The following SERINC2 variants were observed in gnomAD, a reference collection of about 807,000 sequenced individuals.
The protein encoded by SERINC2 is tumor differentially expressed protein 2.
A neutral mutation model predicts 54.2 loss-of-function variants in SERINC2; 56 were observed. The observed-to-expected ratio is 1.03, with a 90% CI of 0.83 to 1.29. The LOEUF is 1.29. Ranked by LOEUF, SERINC2 falls within the 50% of genes most tolerant of loss-of-function variation. The pLI is 0.00. For synonymous variants in SERINC2, 272 were observed against 253.1 expected, an observed-to-expected ratio of 1.07 and a Z score of -0.71; for missense variants, 614 against 607.4, an observed-to-expected ratio of 1.01 and a Z score of -0.12.
intron 1 of SERINC2, among the ~76,000 whole-genome samples, chr1:31,419,156 A>G (rs187944111): frequency 6.6e-6 from 1 of 152,312 alleles, no homozygotes; most frequent in African/African-American, 2.4e-5. Context: ...GTGTGGGAAC[A>G]GCTTTCCAGT....
intron 8 of SERINC2, among the ~76,000 whole-genome samples, chr1:31,431,860 AGGGT>A (rs1641236240): frequency 1.3e-5 from 2 of 149,518 alleles, no homozygotes; most frequent in African/African-American, 2.5e-5. Context: ...TAGGGTGGAT[AGGGT>A]GGATAGGGTG....
At chr1:31,431,549 C>A (rs1238829521) in intron 8 of SERINC2, among the ~76,000 whole-genome samples, 2 of 152,248 alleles carry the variant, frequency 1.3e-5, no homozygotes, top group African/African-American at 4.8e-5. Context: ...CTTCCCCTCC[C>A]CGACCTGGCA....
At chr1:31,410,292 C>A, upstream of SERINC2, 1 of 1,521,326 alleles carries the variant, frequency 6.6e-7, no homozygotes, top group South Asian at 1.3e-5. Context: ...GCCAGGACAC[C>A]AAGAAATGAA....
At chr1:31,410,303 G>C, upstream of SERINC2, 2 of 1,529,340 alleles carry the variant, frequency 1.3e-6, no homozygotes, top group Non-Finnish European at 1.8e-6. Flanking sequence ...AAGAAATGAA[G>C]CTCTTTATCC....
chr1:31,414,623 G>A (rs1320375075), intron 1 of SERINC2: 12 of 985,652 alleles, frequency 1.2e-5, no homozygotes, highest in Admixed American at 1.2e-4. Flanking sequence ...GCGTGTGCAT[G>A]TGCGTGTGCA....
intron 1 of SERINC2, among the ~76,000 whole-genome samples, chr1:31,422,789 T>G (rs557458649): frequency 6.6e-6 from 1 of 151,976 alleles, no homozygotes; most frequent in African/African-American, 2.4e-5. Context: ...CCCAGGAGGG[T>G]GAGTCTCCTT....
At chr1:31,431,883 G>A (rs1641240005) in intron 8 of SERINC2, among the ~76,000 whole-genome samples, 1 of 148,898 alleles carries the variant, frequency 6.7e-6, no homozygotes, top group Admixed American at 6.7e-5. Context: ...TGGACAGGGT[G>A]GACAGGGTGG....
rs149012313 is a variant in SERINC2 at position 31,414,454 on chromosome 1, TGAGA to T, written c.39+1168_39+1171del. ...GTGTGTGTGTGTGTGTGTGTGTGTG[TGAGA>T]GAGAGAGAGAGAGAGAGGAGGGGGT... is the stretch of plus-strand genomic sequence containing the variant. On this transcript the variant is annotated intron_variant, in intron 1 of 9. Transcript: ENST00000373709. The T allele has an allele frequency of 4.7e-4, 342 of 732,706 alleles. 2 individuals are homozygous for T. Among genetic ancestry groups the T allele is most frequent in the South Asian group, 1.3e-3 (19 of 14,086 alleles). The allele number at this position is 732,706 out of a possible 1,614,324, so 45.4% of individuals were successfully genotyped here. A position where few individuals can be genotyped will look rare whatever the true frequency, so the allele number is the denominator to read the frequency against.
At position 31,425,379 on chromosome 1, in the gene SERINC2, T is replaced by G; in HGVS notation, c.442T>G (p.Phe148Val). The G allele has an allele frequency of 6.2e-7, 1 of 1,613,036 alleles. No individual in the cohort carries two copies. Among genetic ancestry groups the G allele is most frequent in the Non-Finnish European group, 8.5e-7 (1 of 1,178,990 alleles). The change falls in exon 4 of 10, where the codon TTC becomes GTC. Residue 148 changes from phenylalanine (F) to valine (V), a missense_variant. Phe to Val is a conservative substitution (Grantham distance 50). Transcript: ENST00000373709. ...LILVGLTVGA[F>V]YIPDGSFTNI... ...CCTGGTGGGCCTCACCGTGGGTGCCTTCTACATTCCTGACGGCTCCTTCAC... is the reference window on the plus strand; with the variant it reads ...CCTGGTGGGCCTCACCGTGGGTGCCGTCTACATTCCTGACGGCTCCTTCAC...
chr1:31,414,065 G>T, intron 1 of SERINC2: 1 of 1,497,328 alleles, frequency 6.7e-7, no homozygotes, highest in Non-Finnish European at 8.9e-7. Flanking sequence ...AGTGAGGCGG[G>T]TGCGGGTCGT....
chr1:31,425,962 G>A lies in SERINC2; in HGVS notation c.610+49G>A, dbSNP rs201640302. On this transcript the variant is annotated intron_variant, in intron 5 of 9. Coordinates refer to ENST00000373709, the MANE Select transcript of SERINC2 (RefSeq NM_178865.5). Reference sequence around the variant, plus strand: ...GTGTGGGGACTCGAGCCTGGGCAGGGCTGGGGCTGCCTGAGAAATCGAGGG... The same window carrying A: ...GTGTGGGGACTCGAGCCTGGGCAGGACTGGGGCTGCCTGAGAAATCGAGGG... 4.3e-4 allele frequency: 683 copies of A among 1,575,006 alleles called. 7 individuals carry two copies. Among genetic ancestry groups the A allele is most frequent in the South Asian group, 4.1e-3 (362 of 88,690 alleles).
At chr1:31,417,923 C>T (rs977530475) in intron 1 of SERINC2, among the ~76,000 whole-genome samples, 4 of 129,702 alleles carry the variant, frequency 3.1e-5, no homozygotes, top group African/African-American at 1.1e-4. Context: ...ATGGCACAAT[C>T]TCGGCTCATT....
At chr1:31,422,578 G>A (rs1553132874) in intron 1 of SERINC2, among the ~76,000 whole-genome samples, 2 of 152,126 alleles carry the variant, frequency 1.3e-5, no homozygotes. Context: ...CCTTCTTAGC[G>A]CTTGTCACGA....
chr1:31,410,258 C>A (rs1020350206), upstream of SERINC2: 22 of 1,481,544 alleles, frequency 1.5e-5, no homozygotes, highest in African/African-American at 2.8e-5. Flanking sequence ...AGGTTCAAAT[C>A]TGGGAGTAAA....
Position 31,434,578 on chromosome 1 carries a change from T to G in SERINC2, c.*379T>G. 1 of 241,082 alleles carries G rather than the reference T, an allele frequency of 4.1e-6. No individual in the cohort carries two copies. 14.9% of individuals were successfully genotyped at this position (241,082 alleles called of 1,614,324 possible). ...GGCATCCGGCACTGAAGCCCTGGTGTTCCTGGTCACGTCCCCCAGGGGACC... is the reference window on the plus strand; with the variant it reads ...GGCATCCGGCACTGAAGCCCTGGTGGTCCTGGTCACGTCCCCCAGGGGACC... On this transcript the variant is annotated 3_prime_UTR_variant, in exon 10 of 10. Transcript: ENST00000373709.
intron 8 of SERINC2, among the ~76,000 whole-genome samples, chr1:31,432,083 T>TGGACAGGGTGGA (rs1557501056): frequency 2.1e-4 from 4 of 19,392 alleles, no homozygotes; most frequent in Non-Finnish European, 2.9e-4. Flanking sequence ...GACAGGGTGG[T>TGGACAGGGTGGA]TAGGGTGGAC....
At position 31,424,885 on chromosome 1, in the gene SERINC2, G is replaced by T. The variant is rs893698512; in HGVS notation, c.392+12G>T. ...GCCATCCAGAATGGGTGAGAGAGGG[G>T]TCCCTGCCTGCACCCTGGGACCTTC... On this transcript the variant is annotated intron_variant, in intron 3 of 9. Coordinates refer to ENST00000373709, the MANE Select transcript of SERINC2 (RefSeq NM_178865.5). 2.0e-5 allele frequency: 32 copies of T among 1,603,926 alleles called. No homozygotes were observed. Among genetic ancestry groups the T allele is most frequent in the Non-Finnish European group, 2.6e-5 (30 of 1,175,766 alleles).
chr1:31,416,559 G>T (rs1640786047), intron 1 of SERINC2, among the ~76,000 whole-genome samples: 1 of 152,222 alleles, frequency 6.6e-6, no homozygotes, highest in African/African-American at 2.4e-5. Flanking sequence ...CCCTGGGGCG[G>T]CTCAGCCAGT....
rs782004294 is a variant in SERINC2, at chr1:31,423,888, G to A, written c.201+34G>A. On this transcript the variant is annotated intron_variant, in intron 2 of 9. Transcript: ENST00000373709. ...CCCAGGGGAGGCAGGGCGGCCTCCA[G>A]CGAGGGGCGTCAGTGGCTCCAGGAT... is the stretch of plus-strand genomic sequence containing the variant. The A allele has an allele frequency of 1.6e-5, 26 of 1,602,390 alleles. No individual in the cohort carries two copies. The South Asian group carries it at 2.5e-4, about 16-fold the overall frequency.
Sources: allele counts gnomAD v4.1 joint callset (sites outside exome capture counted in the v4.1 genomes callset), GRCh38; gene constraint gnomAD v4.1.1; transcripts MANE v1.5; gene names NCBI Gene and HGNC (gene_info 2026-07-23, HGNC 2026-07-21).